ZFPL1: variants seen among roughly 807,000 people sequenced by gnomAD.
ZFPL1 encodes the protein zinc finger protein-like 1.
Under a neutral mutation model 32.0 loss-of-function variants are expected in ZFPL1, and 28 were observed. The observed-to-expected ratio is 0.87, with a 90% CI of 0.65 to 1.20. The LOEUF (loss-of-function observed/expected upper bound fraction) is 1.20. Ranked by LOEUF, ZFPL1 falls within the 50% of genes most tolerant of loss-of-function variation. The pLI is 0.00. For synonymous variants in ZFPL1, 165 were observed against 177.0 expected, an observed-to-expected ratio of 0.93 and a Z score of 0.54; for missense variants, 386 against 424.8, an observed-to-expected ratio of 0.91 and a Z score of 0.80.
intron 3 of ZFPL1, chr11:65,085,486 G>C (rs1256601350): frequency 1.9e-6 from 1 of 520,314 alleles, no homozygotes; most frequent in Non-Finnish European, 3.5e-6. Flanking sequence ...GGAGGTTTCA[G>C]CGAGAACCAG....
At chr11:65,087,698 T>C in intron 7 of ZFPL1, 1 of 619,984 alleles carries the variant, frequency 1.6e-6, no homozygotes, top group South Asian at 2.1e-5. Context: ...CCCTAATCTT[T>C]GTAATTCTCC....
intron 7 of ZFPL1, 174 bp downstream of exon 7, chr11:65,087,607 TTC>T: frequency 1.5e-6 from 1 of 670,682 alleles, no homozygotes; most frequent in Non-Finnish European, 2.5e-6. Flanking sequence ...TGTGTTTTGC[TTC>T]TCTCTGGGAC....
Position 65,087,922 on chromosome 11 carries a change from C to T in ZFPL1, c.747-6C>T. ...GCCTGACCTGATTTTCCCCTCATCC[C>T]CCCAGGAGCCGGGCTGGGTCTCGGA... On this transcript the variant is annotated splice_polypyrimidine_tract_variant and splice_region_variant and intron_variant, in intron 7 of 7. Coordinates refer to ENST00000294258, the MANE Select transcript of ZFPL1 (RefSeq NM_006782.4). The T allele has an allele frequency of 6.4e-7, 1 of 1,554,914 alleles. No individual in the cohort carries two copies. The highest frequency in any genetic ancestry group is 8.6e-7 in the Non-Finnish European group (1 of 1,164,236).
chr11:65,084,815 G>A lies in ZFPL1; in HGVS notation c.102+15G>A, dbSNP rs200366294. 6.8e-5 allele frequency: 109 copies of A among 1,613,880 alleles called. No homozygotes were observed. The highest frequency in any genetic ancestry group is 3.3e-4 in the Middle Eastern group (2 of 6,060). ...ATCACGCCAAGGTGGGGCCTTCAGG[G>A]GAGCGACTGAGCAGGGCACTGGGTG... On this transcript the variant is annotated intron_variant, in intron 2 of 7. Coordinates refer to ENST00000294258, the MANE Select transcript of ZFPL1 (RefSeq NM_006782.4).
rs370492535 is a variant in ZFPL1, at chr11:65,084,305, C to A, written c.-82C>A. 18 of 525,300 alleles carry A rather than the reference C, an allele frequency of 3.4e-5. No individual in the cohort carries two copies. The East Asian group carries it at 5.3e-4, about 15-fold the overall frequency. 32.5% of individuals were successfully genotyped at this position (525,300 alleles called of 1,614,324 possible). ...AGCCCTGGGGAGAGTGGTCCCTGCC[C>A]TTCCGCGCCTCGAGCCATCGCTACC... On this transcript the variant is annotated 5_prime_UTR_variant, in exon 1 of 8. Coordinates refer to ENST00000294258, the MANE Select transcript of ZFPL1 (RefSeq NM_006782.4).
At position 65,086,925 on chromosome 11, in the gene ZFPL1, C is replaced by T. The variant is rs756466788; in HGVS notation, c.482-3C>T. The T allele has an allele frequency of 2.7e-5, 43 of 1,613,528 alleles. No individual in the cohort carries two copies. In the East Asian group the frequency reaches 9.4e-4, roughly 35 times the overall value. On this transcript the variant is annotated splice_region_variant and splice_polypyrimidine_tract_variant and intron_variant, in intron 5 of 7. Coordinates refer to ENST00000294258, the MANE Select transcript of ZFPL1 (RefSeq NM_006782.4). ...CTGCTGACGGCTCTCTTTCCACCCA[C>T]AGCCAGCAGTACCCCTGGACCAGAG...
In ZFPL1 at chr11:65,088,190, G is replaced by A. The variant is rs1255861729; in HGVS notation, c.*76G>A. 2.0e-6 allele frequency: 3 copies of A among 1,517,946 alleles called. No homozygotes were observed. The highest frequency in any genetic ancestry group is 2.7e-6 in the Non-Finnish European group (3 of 1,123,024). 94.0% of individuals were successfully genotyped at this position (1,517,946 alleles called of 1,614,324 possible). A position where few individuals can be genotyped will look rare whatever the true frequency, so the allele number is the denominator to read the frequency against. ...GAGGCGGGGTAATGGGGAGGCTGAG[G>A]GCACCTCTTCACTGCCCCTCTCCCT... On this transcript the variant is annotated 3_prime_UTR_variant, in exon 8 of 8. Transcript: ENST00000294258.
intron 2 of ZFPL1, 146 bp downstream of exon 2, chr11:65,084,946 C>T (rs1263374156): frequency 9.2e-6 from 10 of 1,087,516 alleles, no homozygotes; most frequent in Non-Finnish European, 1.2e-5. Flanking sequence ...ATATATCCCC[C>T]GTTCCCAAGA....
Position 65,087,984 on chromosome 11 carries a change from T to A in ZFPL1, c.803T>A (p.Leu268Gln), listed in dbSNP as rs772419146. 6.3e-7 allele frequency: 1 copy of A among 1,594,016 alleles called. No individual in the cohort carries two copies. Among genetic ancestry groups the A allele is most frequent in the Non-Finnish European group, 8.5e-7 (1 of 1,175,548 alleles). The change falls in exon 8 of 8, where the codon CTG becomes CAG. Residue 268 changes from leucine to glutamine, a missense_variant. By Grantham distance (113) the Leu-to-Gln change is moderately radical (BLOSUM62 -2). Coordinates refer to ENST00000294258, the MANE Select transcript of ZFPL1 (RefSeq NM_006782.4). ...ACCCTGCTCCAGCGGGCGGGGCTGC[T>A]GCTACTCTTGGGACTGCTGGGCTTC... ...PLTLLQRAGL[L>Q]LLLGLLGFLA...
Position 65,088,022 on chromosome 11 carries a change from GC to G in ZFPL1, c.844del (p.Leu282SerfsTer5). 6.2e-7 allele frequency: 1 copy of G among 1,607,752 alleles called. No individual in the cohort carries two copies. The highest frequency in any genetic ancestry group is 8.5e-7 in the Non-Finnish European group (1 of 1,178,620). ...ACTGCTGGGCTTCCTGGCCCTCCTT[GC>G]CCTCATGTCTCGCCTAGGCCGGGCC... is the stretch of plus-strand genomic sequence containing the variant. ...LGLLGFLALLALMSRLGRAAA... is the reference protein window; with the variant it reads ...LGLLGFLALLXLMSRLGRAAA... On this transcript the variant is annotated frameshift_variant, in exon 8 of 8. Coordinates refer to ENST00000294258, the MANE Select transcript of ZFPL1 (RefSeq NM_006782.4). LOFTEE classifies it high-confidence loss of function.
rs1947699652 is a variant in ZFPL1, at chr11:65,088,259, C to T, written c.*145C>T. 3 of 1,186,122 alleles carry T rather than the reference C, an allele frequency of 2.5e-6. No homozygotes were observed. The highest frequency in any genetic ancestry group is 5.1e-5 in the East Asian group (2 of 39,576). The allele number at this position is 1,186,122 out of a possible 1,614,324, so 73.5% of individuals were successfully genotyped here. ...ACCCCAGACCCAAAGCCAAGTCCAC[C>T]AGAGTGGCTGCAGGCCAGGCCTGGA... On this transcript the variant is annotated 3_prime_UTR_variant, in exon 8 of 8. Coordinates refer to ENST00000294258, the MANE Select transcript of ZFPL1 (RefSeq NM_006782.4).
At chr11:65,086,038 G>T in intron 3 of ZFPL1, 2 of 299,602 alleles carry the variant, frequency 6.7e-6, no homozygotes, top group Non-Finnish European at 6.4e-6. Context: ...TGTGCCCAGG[G>T]ATGTGTACAT....
At chr11:65,084,995 T>C (rs2137162707) in intron 2 of ZFPL1, 120 bp from the exon 3 acceptor site, 2 of 1,103,226 alleles carry the variant, frequency 1.8e-6, no homozygotes, top group South Asian at 1.3e-5. Flanking sequence ...TAAATATTTA[T>C]TGATTAAACA....
Position 65,088,326 on chromosome 11 carries a change from CG to C in ZFPL1, c.*215del, listed in dbSNP as rs1565300874. 2.6e-6 allele frequency: 3 copies of C among 1,159,146 alleles called. No individual in the cohort carries two copies. The highest frequency in any genetic ancestry group is 3.7e-6 in the Non-Finnish European group (3 of 808,612). 71.8% of individuals were successfully genotyped at this position (1,159,146 alleles called of 1,614,324 possible). On this transcript the variant is annotated 3_prime_UTR_variant, in exon 8 of 8. Coordinates refer to ENST00000294258, the MANE Select transcript of ZFPL1 (RefSeq NM_006782.4). ...CATTTGTCTTGACTTGCTTTCCTCC[CG>C]GGTCTCCAGCCTCCGACCCCTCGCC...
chr11:65,084,745 G>T lies in ZFPL1; in HGVS notation c.47G>T (p.Cys16Phe). ...AAGAGAAAGGTGACCAACCTGTTCT[G>T]CTTCGAACATCGGGTCAACGTCTGC... ...CPKRKVTNLF[C>F]FEHRVNVCEH... The change falls in exon 2 of 8, where the codon TGC becomes TTC. Residue 16 changes from cysteine to phenylalanine, a missense_variant. Transcript: ENST00000294258. 6.2e-7 allele frequency: 1 copy of T among 1,614,110 alleles called. No individual in the cohort carries two copies. The highest frequency in any genetic ancestry group is 1.1e-5 in the South Asian group (1 of 91,078).
At position 65,086,444 on chromosome 11, in the gene ZFPL1, C is replaced by T. The variant is rs906433445; in HGVS notation, c.244C>T (p.Arg82Cys). Residue 82 changes from arginine (R) to cysteine (C), a missense_variant, in exon 4 of 8, where the codon CGT becomes TGT. Transcript: ENST00000294258. ...CTTTCACTGGGCCTGCCTCAATGAA[C>T]GTGCTGCCCAGCTACCCCGAAACAC... ...DLFHWACLNE[R>C]AAQLPRNTAP... 6 of 1,614,102 alleles carry T rather than the reference C, an allele frequency of 3.7e-6. No homozygotes were observed. The highest frequency in any genetic ancestry group is 1.1e-5 in the South Asian group (1 of 91,086).
chr11:65,087,806 T>C, intron 7 of ZFPL1, 122 bp from the exon 8 acceptor site: 1 of 1,059,582 alleles, frequency 9.4e-7, no homozygotes, highest in Non-Finnish European at 1.3e-6. Flanking sequence ...GCAGGAGTGA[T>C]CATCCCTGAG....
chr11:65,084,499 A>AT, intron 1 of ZFPL1, 121 bp downstream of exon 1: 1 of 602,830 alleles, frequency 1.7e-6, no homozygotes, highest in Non-Finnish European at 2.9e-6. Context: ...ATCCAGAAGG[A>AT]TTGAGGGGTC....
In ZFPL1 at chr11:65,084,682, C is replaced by G. The variant is rs367797566; in HGVS notation, c.-8-9C>G. ...CCTGACTTCCTACCAACTCATGCCC[C>G]TTTCCCAGGATCGATCATGGGGCTT... is the stretch of plus-strand genomic sequence containing the variant. On this transcript the variant is annotated splice_polypyrimidine_tract_variant and intron_variant, in intron 1 of 7. Transcript: ENST00000294258. The G allele has an allele frequency of 5.0e-6, 8 of 1,613,614 alleles. No individual in the cohort carries two copies. The highest frequency in any genetic ancestry group is 6.8e-6 in the Non-Finnish European group (8 of 1,179,766).
Sources: allele counts gnomAD v4.1 joint callset, GRCh38; gene constraint gnomAD v4.1.1; transcripts MANE v1.5; gene names NCBI Gene and HGNC (gene_info 2026-07-23, HGNC 2026-07-21).